ZNF276: variants seen among roughly 807,000 people sequenced by gnomAD.
ZNF276 encodes the protein centromere protein Z.
Under a neutral mutation model 63.9 loss-of-function variants are expected in ZNF276, and 59 were observed. The observed-to-expected ratio is 0.92, with a 90% CI of 0.75 to 1.15. The LOEUF (loss-of-function observed/expected upper bound fraction) is 1.15, where lower values mean the gene tolerates loss of function less well. Among genes scored for constraint, ZNF276 ranks in the 50% most tolerant of loss-of-function variants. ZNF276 has a pLI of 0.00. For synonymous variants in ZNF276, 496 were observed against 348.4 expected (o/e 1.42, Z -4.72); for missense variants, 1,084 against 843.8 (o/e 1.28, Z -3.53).
chr16:89,721,816 ACGCGGGCGAGGACGG>A lies in ZNF276; in HGVS notation c.182_196del (p.Gly61_Ala65del), dbSNP rs1417268255. On this transcript the variant is annotated inframe_deletion, in exon 1 of 11. Transcript: ENST00000443381. ...TGGGGCCCGGTGGGGTCCTGCGGGG[ACGCGGGCGAGGACGG>A]CGCGGACGAGGCAGGTGGGTCCGCG... is the stretch of plus-strand genomic sequence containing the variant. The A allele has an allele frequency of 8.1e-7, 1 of 1,233,040 alleles. No individual in the cohort carries two copies. The highest frequency in any genetic ancestry group is 1.6e-5 in the African/African-American group (1 of 63,672). The allele number at this position is 1,233,040 out of a possible 1,614,324, so 76.4% of individuals were successfully genotyped here. A position where few individuals can be genotyped will look rare whatever the true frequency, so the allele number is the denominator to read the frequency against.
intron 5 of ZNF276, among the ~76,000 whole-genome samples, chr16:89,728,292 T>C (rs2061530257): frequency 6.7e-6 from 1 of 149,502 alleles, no homozygotes; most frequent in Admixed American, 6.7e-5. Context: ...TGGTGTGACC[T>C]CAGCTCACTG....
chr16:89,722,322 C>A (rs1170300787), intron 1 of ZNF276, among the ~76,000 whole-genome samples: 1 of 152,224 alleles, frequency 6.6e-6, no homozygotes, highest in Non-Finnish European at 1.5e-5. Context: ...CCTTAGAGGC[C>A]TTTGAAATTT....
chr16:89,720,765 G>C, upstream of ZNF276: 2 of 1,448,722 alleles, frequency 1.4e-6, no homozygotes, highest in Non-Finnish European at 1.8e-6. Flanking sequence ...CGCCTCACCC[G>C]GGGCCGGTTG....
intron 9 of ZNF276, among the ~76,000 whole-genome samples, chr16:89,736,116 C>T (rs956958005): frequency 2.6e-5 from 4 of 152,290 alleles, no homozygotes; most frequent in Admixed American, 1.3e-4. Flanking sequence ...TGGTCTCAAT[C>T]TCCTGACCTT....
intron 4 of ZNF276, among the ~76,000 whole-genome samples, chr16:89,725,427 T>G (rs2061439098): frequency 6.6e-6 from 1 of 152,066 alleles, no homozygotes; most frequent in Admixed American, 6.5e-5. Context: ...GTGATCCACC[T>G]GCATCAGCCT....
rs1453177801 is a variant in ZNF276 at position 89,721,736 on chromosome 16, C to G, written c.96C>G (p.Gly32=). The G allele has an allele frequency of 5.2e-6, 7 of 1,338,856 alleles. No homozygotes were observed. In the South Asian group the frequency reaches 9.0e-5, roughly 17 times the overall value. 82.9% of individuals were successfully genotyped at this position (1,338,856 alleles called of 1,614,324 possible). Reference sequence around the variant, plus strand: ...GCGGCGGCGTCAGCCGGACTCGGGGCCGCCCTTCCCTTAGCGGTGGGCCGA... The same window carrying G: ...GCGGCGGCGTCAGCCGGACTCGGGGGCGCCCTTCCCTTAGCGGTGGGCCGA... ...DGGGGVSRTR[G]RPSLSGGPRV... is the part of the protein sequence containing the mutation. Residue 32 remains glycine, a synonymous_variant, in exon 1 of 11, where the codon GGC becomes GGG. Transcript: ENST00000443381.
Position 89,738,539 on chromosome 16 carries a change from A to G in ZNF276, c.*293A>G. On this transcript the variant is annotated 3_prime_UTR_variant, in exon 11 of 11. Coordinates refer to ENST00000443381, the MANE Select transcript of ZNF276 (RefSeq NM_001113525.2). ...CACTTTTTAGTGCAACAAGAGCTCC[A>G]TGTTATGCTTGTAATAAATTATTTA... 1.9e-6 allele frequency: 3 copies of G among 1,608,038 alleles called. No homozygotes were observed. The highest frequency in any genetic ancestry group is 1.7e-6 in the Non-Finnish European group (2 of 1,176,592).
chr16:89,738,028 A>G lies in ZNF276; in HGVS notation c.1627A>G (p.Met543Val), dbSNP rs775785148. ...CRQRASLKYH[M>V]TKHKAETELD... ...GCAGCGGGCATCCCTCAAGTACCACATGACCAAACACAAGGCTGAGACTGA... is the reference window on the plus strand; with the variant it reads ...GCAGCGGGCATCCCTCAAGTACCACGTGACCAAACACAAGGCTGAGACTGA... The change falls in exon 11 of 11, where the codon ATG becomes GTG. Residue 543 changes from methionine to valine, a missense_variant. Coordinates refer to ENST00000443381, the MANE Select transcript of ZNF276 (RefSeq NM_001113525.2). The G allele has an allele frequency of 1.2e-6, 2 of 1,614,164 alleles. No individual in the cohort carries two copies. Among genetic ancestry groups the G allele is most frequent in the East Asian group, 2.2e-5 (1 of 44,878 alleles).
At chr16:89,730,173 C>G (rs190391690) in intron 6 of ZNF276, among the ~76,000 whole-genome samples, 2 of 152,164 alleles carry the variant, frequency 1.3e-5, no homozygotes, top group African/African-American at 4.8e-5. Flanking sequence ...GAGAGAGATG[C>G]GAAGCAGAGG....
Position 89,738,690 on chromosome 16 carries a change from C to A in ZNF276, c.*444C>A, listed in dbSNP as rs773999989. 1 of 1,613,944 alleles carries A rather than the reference C, an allele frequency of 6.2e-7. No individual in the cohort carries two copies. The highest frequency in any genetic ancestry group is 1.1e-5 in the South Asian group (1 of 91,078). On this transcript the variant is annotated 3_prime_UTR_variant, in exon 11 of 11. Transcript: ENST00000443381. ...GCGGCGCTCACCTCTGGGTCGCAGT[C>A]CCCACGATCAGCCAGCAGCTGTGAG...
At chr16:89,735,291 G>A (rs941446294) in intron 9 of ZNF276, among the ~76,000 whole-genome samples, 10 of 151,418 alleles carry the variant, frequency 6.6e-5, no homozygotes, top group African/African-American at 1.9e-4. Flanking sequence ...GTAAGGGGTG[G>A]GGGGGGGCCT....
At chr16:89,727,644 C>A (rs72807540) in intron 5 of ZNF276, among the ~76,000 whole-genome samples, 19,401 of 152,034 alleles carry the variant, frequency 0.13, 1,594 homozygotes, top group Middle Eastern at 0.3. Flanking sequence ...TTCCTGGGTG[C>A]CAGAGAGCAC....
In ZNF276 at chr16:89,740,142, T is replaced by G. The variant is rs746545180; in HGVS notation, c.*1896T>G. The G allele has an allele frequency of 1.5e-5, 23 of 1,504,022 alleles. No homozygotes were observed. The East Asian group carries it at 3.8e-4, about 25-fold the overall frequency. 93.2% of individuals were successfully genotyped at this position (1,504,022 alleles called of 1,614,324 possible). A position where few individuals can be genotyped will look rare whatever the true frequency, so the allele number is the denominator to read the frequency against. On this transcript the variant is annotated 3_prime_UTR_variant, in exon 11 of 11. Transcript: ENST00000443381. ...CCAACCCTGAGAATGGCCGACCTGG[T>G]GCTCCCATGGGTAGGAGGGTACAGC...
chr16:89,737,766 A>C, intron 9 of ZNF276, 40 bp from the exon 10 acceptor site: 1 of 1,611,540 alleles, frequency 6.2e-7, no homozygotes, highest in Non-Finnish European at 8.5e-7. Context: ...GGGAGGTTGG[A>C]GCATCAGGGG....
chr16:89,720,921 C>T, upstream of ZNF276: 3 of 1,254,480 alleles, frequency 2.4e-6, no homozygotes, highest in East Asian at 3.4e-5. Context: ...ACCGGAGGCC[C>T]GGAACGCAGC....
At chr16:89,730,092 G>A (rs1276182766) in intron 6 of ZNF276, among the ~76,000 whole-genome samples, 7 of 152,154 alleles carry the variant, frequency 4.6e-5, no homozygotes, top group African/African-American at 9.7e-5. Flanking sequence ...AGAGGTCAAC[G>A]GCCTTTTTTC....
chr16:89,721,819 C>T lies in ZNF276; in HGVS notation c.179C>T (p.Ala60Val). ...GGCCCGGTGGGGTCCTGCGGGGACG[C>T]GGGCGAGGACGGCGCGGACGAGGCA... ...AWGPVGSCGD[A>V]GEDGADEAGA... Residue 60 changes from alanine (A) to valine (V), a missense_variant, in exon 1 of 11, where the codon GCG becomes GTG. Transcript: ENST00000443381. 1 of 1,225,786 alleles carries T rather than the reference C, an allele frequency of 8.2e-7. No homozygotes were observed. The highest frequency in any genetic ancestry group is 1.0e-6 in the Non-Finnish European group (1 of 984,520). 75.9% of individuals were successfully genotyped at this position (1,225,786 alleles called of 1,614,324 possible).
chr16:89,724,922 A>G (rs1241399182), intron 4 of ZNF276, among the ~76,000 whole-genome samples: 1 of 152,010 alleles, frequency 6.6e-6, no homozygotes, highest in Non-Finnish European at 1.5e-5. Context: ...TTATCTATTT[A>G]TTTACCTACT....
At position 89,739,429 on chromosome 16, in the gene ZNF276, G is replaced by T; in HGVS notation, c.*1183G>T. 6.4e-7 allele frequency: 1 copy of T among 1,552,560 alleles called. No homozygotes were observed. The highest frequency in any genetic ancestry group is 1.4e-5 in the African/African-American group (1 of 73,470). Reference sequence around the variant, plus strand: ...CGGGACCCAGAGGTGCTGAGATGGGGGTCTGGGAAACACTGCCCAGCCCTG... The same window carrying T: ...CGGGACCCAGAGGTGCTGAGATGGGTGTCTGGGAAACACTGCCCAGCCCTG... On this transcript the variant is annotated 3_prime_UTR_variant, in exon 11 of 11. Transcript: ENST00000443381.
Sources: gnomAD v4.1 joint callset for allele counts (sites outside exome capture counted in the v4.1 genomes callset) on GRCh38, gnomAD v4.1.1 for gene constraint, MANE v1.5 for transcripts, NCBI Gene and HGNC (gene_info 2026-07-23, HGNC 2026-07-21) for gene names.